Variants in TCERG1L observed in about 807,000 individuals in gnomAD.
The protein encoded by TCERG1L is transcription elongation regulator 1 like.
In TCERG1L, 37 loss-of-function variants were observed where a neutral mutation model predicts 56.3. The observed-to-expected ratio is 0.66, with a 90% CI of 0.51 to 0.87. TCERG1L has a LOEUF of 0.87. Among genes scored for constraint, TCERG1L ranks in the 40% least tolerant of loss-of-function variants. The pLI is 0.00. For missense variants in TCERG1L, 799 were observed against 774.2 expected (o/e 1.03, Z -0.38); for synonymous variants, 324 against 326.3 (o/e 0.99, Z 0.08).
chr10:131,092,941 A>G lies in TCERG1L; in HGVS notation c.*221T>C. ...CATAATTAAAACAATTAAGGGATCG[A>G]CGTATCACGGTGATTAGAAATGCAT... On this transcript the variant is annotated 3_prime_UTR_variant, in exon 12 of 12. Coordinates refer to ENST00000368642, the MANE Select transcript of TCERG1L (RefSeq NM_174937.4). 1 of 499,036 alleles carries G rather than the reference A, an allele frequency of 2.0e-6. No homozygotes were observed. Among genetic ancestry groups the G allele is most frequent in the Non-Finnish European group, 3.5e-6 (1 of 283,630 alleles). The allele number at this position is 499,036 out of a possible 1,614,324, so 30.9% of individuals were successfully genotyped here.
In TCERG1L at chr10:131,104,077, G is replaced by A. The variant is rs537166900; in HGVS notation, c.1485+188C>T. Among the ~76,000 whole-genome samples, 6 of 152,300 alleles carry A rather than the reference G, an allele frequency of 3.9e-5. No homozygotes were observed. In the South Asian group the frequency reaches 1.2e-3, roughly 32 times the overall value. ...TCCAGGGTCATAACCAAATACTGAG[G>A]TAAGAATAATGACCAGAATAACCTT... On this transcript the variant is annotated intron_variant, in intron 10 of 11. Coordinates refer to ENST00000368642, the MANE Select transcript of TCERG1L (RefSeq NM_174937.4).
intron 4 of TCERG1L, among the ~76,000 whole-genome samples, chr10:131,178,119 CCT>C (rs1460259677): frequency 3.3e-5 from 5 of 152,100 alleles, no homozygotes; most frequent in Admixed American, 2.0e-4. Context: ...ACCTGTGCCC[CCT>C]GAGGACCCTG....
rs1218135572 is a variant in TCERG1L, at chr10:131,114,118, T to C, written c.1395+2681A>G. On this transcript the variant is annotated intron_variant, in intron 9 of 11. Coordinates refer to ENST00000368642, the MANE Select transcript of TCERG1L (RefSeq NM_174937.4). ...GTGGCAGGGCCCAAACTCTGCCCTT[T>C]TTAAACTACTAAAAACCGCAGGGTC... Among the ~76,000 whole-genome samples, 2 of 142,372 alleles carry C rather than the reference T, an allele frequency of 1.4e-5. 1 individual carries two copies. Among genetic ancestry groups the C allele is most frequent in the Non-Finnish European group, 3.2e-5 (2 of 63,398 alleles). The allele number at this position is 142,372 out of a possible 152,430, so 93.4% of individuals were successfully genotyped here. A position where few individuals can be genotyped will look rare whatever the true frequency, so the allele number is the denominator to read the frequency against.
intron 4 of TCERG1L, among the ~76,000 whole-genome samples, chr10:131,234,859 A>T (rs1038064234): frequency 6.6e-6 from 1 of 152,110 alleles, no homozygotes; most frequent in Non-Finnish European, 1.5e-5. Context: ...GTGCGCCACC[A>T]CGCCTAGCTA....
chr10:131,201,975 G>T (rs998247577), intron 4 of TCERG1L, among the ~76,000 whole-genome samples: 11 of 152,214 alleles, frequency 7.2e-5, no homozygotes, highest in Admixed American at 2.0e-4. Flanking sequence ...GGTCACGGGG[G>T]CTGGTTCTCT....
At chr10:131,158,213 C>T (rs1360668539) in intron 6 of TCERG1L, among the ~76,000 whole-genome samples, 1 of 152,238 alleles carries the variant, frequency 6.6e-6, no homozygotes, top group Non-Finnish European at 1.5e-5. Context: ...GGAGAAACAT[C>T]ACCCTTCTGC....
At chr10:131,283,796 G>C (rs146196890) in intron 3 of TCERG1L, among the ~76,000 whole-genome samples, 133 of 152,266 alleles carry the variant, frequency 8.7e-4, no homozygotes, top group African/African-American at 3.2e-3. Flanking sequence ...CACAGCTAAA[G>C]AGATTGCTTA....
At chr10:131,275,656 C>T (rs1846385153) in intron 3 of TCERG1L, among the ~76,000 whole-genome samples, 1 of 152,136 alleles carries the variant, frequency 6.6e-6, no homozygotes, top group East Asian at 1.9e-4. Context: ...CCTCAGGTTC[C>T]AGAAATCACC....
At chr10:131,248,495 G>A (rs540204575) in intron 4 of TCERG1L, among the ~76,000 whole-genome samples, 3 of 152,154 alleles carry the variant, frequency 2.0e-5, no homozygotes, top group East Asian at 1.9e-4. Context: ...CACTCCACCC[G>A]TCAGCCACAC....
At chr10:131,202,590 A>T (rs1448809521) in intron 4 of TCERG1L, among the ~76,000 whole-genome samples, 2 of 152,192 alleles carry the variant, frequency 1.3e-5, no homozygotes, top group Non-Finnish European at 2.9e-5. Flanking sequence ...CCAAAAAAAA[A>T]TAAAAATAAA....
At chr10:131,171,725 C>G (rs1223223042) in intron 4 of TCERG1L, among the ~76,000 whole-genome samples, 1 of 152,168 alleles carries the variant, frequency 6.6e-6, no homozygotes, top group Non-Finnish European at 1.5e-5. Flanking sequence ...CATGCGCCAC[C>G]ACACCTGGCT....
chr10:131,279,118 G>A (rs1846426103), intron 3 of TCERG1L, among the ~76,000 whole-genome samples: 1 of 152,202 alleles, frequency 6.6e-6, no homozygotes, highest in African/African-American at 2.4e-5. Context: ...GGCAGAGACA[G>A]GGCTACCTAG....
At chr10:131,226,111 A>C (rs1044854522) in intron 4 of TCERG1L, among the ~76,000 whole-genome samples, 3 of 151,768 alleles carry the variant, frequency 2.0e-5, no homozygotes, top group Non-Finnish European at 2.9e-5. Flanking sequence ...CTAATTTTTA[A>C]ATAGTTTCTT....
At chr10:131,166,515 C>T (rs1289406111) in intron 5 of TCERG1L, among the ~76,000 whole-genome samples, 1 of 152,240 alleles carries the variant, frequency 6.6e-6, no homozygotes, top group Non-Finnish European at 1.5e-5. Flanking sequence ...TGTGTCTTCT[C>T]TTCCTTCTGA....
In TCERG1L at chr10:131,134,920, C is replaced by A. The variant is rs1210229112; in HGVS notation, c.1190-472G>T. ...ATCCACTGCAACAGATAACGAGATT[C>A]CCCTACCCCACATGTGGCCATGCCT... On this transcript the variant is annotated intron_variant, in intron 7 of 11. Coordinates refer to ENST00000368642, the MANE Select transcript of TCERG1L (RefSeq NM_174937.4). Among the ~76,000 whole-genome samples, 5 of 152,304 alleles carry A rather than the reference C, an allele frequency of 3.3e-5. No individual in the cohort carries two copies. In the East Asian group the frequency reaches 5.8e-4, roughly 18 times the overall value.
At chr10:131,202,290 G>A (rs549747548) in intron 4 of TCERG1L, among the ~76,000 whole-genome samples, 165 of 152,276 alleles carry the variant, frequency 1.1e-3, no homozygotes, top group African/African-American at 3.6e-3. Context: ...TGGTAAGGCC[G>A]GAACTTTTTC....
chr10:131,222,033 G>A (rs1845738731), intron 4 of TCERG1L, among the ~76,000 whole-genome samples: 1 of 152,220 alleles, frequency 6.6e-6, no homozygotes, highest in African/African-American at 2.4e-5. Flanking sequence ...CACACTAAGT[G>A]TCTTGGGGTT....
intron 8 of TCERG1L, among the ~76,000 whole-genome samples, chr10:131,122,586 T>C (rs1845524632): frequency 6.6e-6 from 1 of 152,218 alleles, no homozygotes; most frequent in African/African-American, 2.4e-5. Context: ...CCTTGGGACC[T>C]TTCCCAGTCT....
chr10:131,246,789 C>G (rs563478773), intron 4 of TCERG1L, among the ~76,000 whole-genome samples: 2 of 152,206 alleles, frequency 1.3e-5, no homozygotes, highest in African/African-American at 4.8e-5. Context: ...AGAAGTGAGA[C>G]GGCCTCCCAG....
Sources: allele counts gnomAD v4.1 joint callset (sites outside exome capture counted in the v4.1 genomes callset), GRCh38; gene constraint gnomAD v4.1.1; transcripts MANE v1.5; gene names NCBI Gene and HGNC (gene_info 2026-07-23, HGNC 2026-07-21).